The following GABRB1 variants were observed in gnomAD, a reference collection of about 807,000 sequenced individuals.
GABRB1 encodes the protein gamma-aminobutyric acid type A receptor subunit beta1.
A neutral mutation model predicts 51.6 loss-of-function variants in GABRB1; 17 were observed. The ratio of observed to expected loss-of-function variants is 0.33; its 90% confidence interval spans 0.23 to 0.49. The LOEUF is 0.49. GABRB1 is among the 20% of genes least tolerant of loss of function. GABRB1 has a pLI of 0.99. For synonymous variants in GABRB1, 247 were observed against 218.9 expected (o/e 1.13, Z -1.14); for missense variants, 410 against 600.6 (o/e 0.68, Z 3.32).
rs374725703 is a variant in GABRB1 at position 47,202,184 on chromosome 4, TAGTG to T, written c.461+40722_461+40725del. ...AGTTTCCCCCAGGCTGTTCTCATGATAGTGAGTGAGCTCTCACAAGATCTGATGG... is the reference window on the plus strand; with the variant it reads ...AGTTTCCCCCAGGCTGTTCTCATGATAGTGAGCTCTCACAAGATCTGATGG... On this transcript the variant is annotated intron_variant, in intron 4 of 8. Coordinates refer to ENST00000295454, the MANE Select transcript of GABRB1 (RefSeq NM_000812.4). Among the ~76,000 whole-genome samples the T allele has an allele frequency of 4.1e-4, 62 of 152,228 alleles. No individual in the cohort carries two copies. In the East Asian group the frequency reaches 0.011, roughly 27 times the overall value.
At chr4:47,333,225 TATATATATATAC>T (rs1225628527) in intron 5 of GABRB1, among the ~76,000 whole-genome samples, 3,562 of 34,820 alleles carry the variant, frequency 0.1, 156 homozygotes, top group African/African-American at 0.23. Flanking sequence ...TATATATATA[TATATATATATAC>T]ACACCACGTA....
At chr4:47,369,612 G>A (rs1727116714) in intron 5 of GABRB1, among the ~76,000 whole-genome samples, 1 of 152,014 alleles carries the variant, frequency 6.6e-6, no homozygotes, top group Non-Finnish European at 1.5e-5. Context: ...ACTTGTTATT[G>A]CTCAACTTAA....
rs1180341309 is a variant in GABRB1, at chr4:47,057,104, C to CA, written c.240+24626dup. 2.0e-5 allele frequency among the ~76,000 whole-genome samples: 3 copies of CA among 151,896 alleles called. No homozygotes were observed. In the East Asian group the frequency reaches 5.8e-4, roughly 29 times the overall value. On this transcript the variant is annotated intron_variant, in intron 3 of 8. Coordinates refer to ENST00000295454, the MANE Select transcript of GABRB1 (RefSeq NM_000812.4). ...TGGGCGACAGAGCAAGACTCTGTCT[C>CA]AAAAAACAAACAAACAAACAAACAA...
intron 3 of GABRB1, among the ~76,000 whole-genome samples, chr4:47,033,465 C>CTAGA (rs1725426092): frequency 6.6e-6 from 1 of 152,146 alleles, no homozygotes; most frequent in African/African-American, 2.4e-5. Flanking sequence ...CAGGGAACAG[C>CTAGA]TAGATCTACG....
intron 4 of GABRB1, among the ~76,000 whole-genome samples, chr4:47,197,142 A>C (rs1015175980): frequency 6.6e-6 from 1 of 152,232 alleles, no homozygotes; most frequent in African/African-American, 2.4e-5. Flanking sequence ...GTTAGACACC[A>C]CTGAGAATGG....
intron 3 of GABRB1, among the ~76,000 whole-genome samples, chr4:47,130,660 T>G (rs1189492712): frequency 1.3e-5 from 2 of 152,184 alleles, no homozygotes; most frequent in Non-Finnish European, 2.9e-5. Context: ...ACATTTGTAA[T>G]TTTATATTTA....
At chr4:47,057,538 T>C (rs1167936006) in intron 3 of GABRB1, among the ~76,000 whole-genome samples, 1 of 152,208 alleles carries the variant, frequency 6.6e-6, no homozygotes. Flanking sequence ...CAGGAACAAA[T>C]TGGATATTTT....
intron 5 of GABRB1, among the ~76,000 whole-genome samples, chr4:47,345,294 C>T (rs1726049855): frequency 6.6e-6 from 1 of 152,084 alleles, no homozygotes; most frequent in South Asian, 2.1e-4. Flanking sequence ...TTAAGAGGGC[C>T]CCTATCCTCC....
chr4:47,124,730 T>A (rs924991605), intron 3 of GABRB1, among the ~76,000 whole-genome samples: 3 of 151,792 alleles, frequency 2.0e-5, no homozygotes, highest in Non-Finnish European at 4.4e-5. Context: ...AAAATTGCAA[T>A]ACAGAACTTC....
At chr4:47,246,345 T>C (rs1292616816) in intron 4 of GABRB1, among the ~76,000 whole-genome samples, 31 of 9,304 alleles carry the variant, frequency 3.3e-3, no homozygotes, top group African/African-American at 4.4e-3. Context: ...TACATATATA[T>C]ATATATATAT....
At chr4:47,300,924 T>C (rs901569072) in intron 4 of GABRB1, among the ~76,000 whole-genome samples, 6 of 152,336 alleles carry the variant, frequency 3.9e-5, no homozygotes, top group Admixed American at 1.3e-4. Context: ...CTCTGTTATC[T>C]GTCACCCAAA....
chr4:47,378,429 A>C (rs1034259882), intron 5 of GABRB1, among the ~76,000 whole-genome samples: 17 of 151,404 alleles, frequency 1.1e-4, no homozygotes, highest in Non-Finnish European at 1.5e-5. Context: ...TCCCGCCCAC[A>C]CCTCTCCCTC....
chr4:47,007,658 A>G (rs193127530), intron 1 of GABRB1, among the ~76,000 whole-genome samples: 8 of 152,176 alleles, frequency 5.3e-5, no homozygotes, highest in Admixed American at 4.6e-4. Context: ...ACGAATAGAA[A>G]TTGTACCAAG....
At chr4:47,301,495 A>G (rs568741444) in intron 4 of GABRB1, among the ~76,000 whole-genome samples, 1 of 152,034 alleles carries the variant, frequency 6.6e-6, no homozygotes, top group East Asian at 1.9e-4. Context: ...TTAGCCAGGC[A>G]TGGTGGTGCG....
intron 4 of GABRB1, among the ~76,000 whole-genome samples, chr4:47,195,974 C>G (rs796540133): frequency 5.3e-5 from 8 of 152,354 alleles, no homozygotes; most frequent in African/African-American, 1.7e-4. Flanking sequence ...CAGAGCAGAA[C>G]TTGCTAGACA....
At chr4:47,178,635 A>G (rs1177289663) in intron 4 of GABRB1, among the ~76,000 whole-genome samples, 1 of 152,160 alleles carries the variant, frequency 6.6e-6, no homozygotes, top group Admixed American at 6.6e-5. Context: ...CTGAAAATAT[A>G]AAGAGTCATT....
Position 47,201,226 on chromosome 4 carries a change from G to A in GABRB1, c.461+39757G>A, listed in dbSNP as rs1024104990. Among the ~76,000 whole-genome samples the A allele has an allele frequency of 9.2e-5, 14 of 152,020 alleles. No individual in the cohort carries two copies. The East Asian group carries it at 1.5e-3, about 17-fold the overall frequency. On this transcript the variant is annotated intron_variant, in intron 4 of 8. Transcript: ENST00000295454. Reference sequence around the variant, plus strand: ...TTATATCATATCATTCTATATTTTCGAATGGAATATACCCAACAGCATTTC... The same window carrying A: ...TTATATCATATCATTCTATATTTTCAAATGGAATATACCCAACAGCATTTC...
intron 3 of GABRB1, among the ~76,000 whole-genome samples, chr4:47,087,820 A>T (rs1728142121): frequency 6.6e-6 from 1 of 152,112 alleles, no homozygotes; most frequent in African/African-American, 2.4e-5. Context: ...ATATAATCTA[A>T]CTGTTGGATT....
intron 4 of GABRB1, among the ~76,000 whole-genome samples, chr4:47,214,679 A>G (rs1045000120): frequency 1.3e-5 from 2 of 152,178 alleles, no homozygotes; most frequent in Non-Finnish European, 2.9e-5. Context: ...TTTATTATCA[A>G]TCGAAAAATG....
Sources: gnomAD v4.1 joint callset for allele counts (sites outside exome capture counted in the v4.1 genomes callset) on GRCh38, gnomAD v4.1.1 for gene constraint, MANE v1.5 for transcripts, NCBI Gene and HGNC (gene_info 2026-07-23, HGNC 2026-07-21) for gene names.